GPBP1L1: variants seen among roughly 807,000 people sequenced by gnomAD.
The protein encoded by GPBP1L1 is vasculin-like protein 1.
Under a neutral mutation model 52.5 loss-of-function variants are expected in GPBP1L1, and 23 were observed. The ratio of observed to expected loss-of-function variants is 0.44; its 90% confidence interval spans 0.32 to 0.62. The LOEUF is 0.62. Among genes scored for constraint, GPBP1L1 ranks in the 20% least tolerant of loss-of-function variants. The pLI, the probability that GPBP1L1 is intolerant of heterozygous loss-of-function variation, is 0.06. For synonymous variants in GPBP1L1, 243 were observed against 203.1 expected (o/e 1.20, Z -1.67); for missense variants, 596 against 579.3 (o/e 1.03, Z -0.30).
chr1:45,638,362 C>G (rs1373063088), intron 8 of GPBP1L1, among the ~76,000 whole-genome samples: 1 of 152,192 alleles, frequency 6.6e-6, no homozygotes, highest in African/African-American at 2.4e-5. Flanking sequence ...AATACTGTTT[C>G]AGCCCTACTT....
intron 1 of GPBP1L1, among the ~76,000 whole-genome samples, 161 bp from the exon 2 acceptor site, chr1:45,685,781 G>GTT (rs1396491896): frequency 6.6e-6 from 1 of 152,152 alleles, no homozygotes; most frequent in African/African-American, 2.4e-5. Flanking sequence ...CACGGGTTGG[G>GTT]GAGAACTAGA....
intron 6 of GPBP1L1, chr1:45,654,226 A>G (rs1644855657): frequency 1.0e-5 from 2 of 198,956 alleles, no homozygotes; most frequent in Admixed American, 5.6e-5. Context: ...TCATAGTTGG[A>G]AAAAAGACAA....
intron 2 of GPBP1L1, among the ~76,000 whole-genome samples, chr1:45,671,126 T>C (rs1464011855): frequency 6.6e-6 from 1 of 151,442 alleles, no homozygotes; most frequent in East Asian, 1.9e-4. Flanking sequence ...ACCTTTACAA[T>C]AATATTCTGA....
chr1:45,676,962 G>A (rs1645154064), intron 2 of GPBP1L1, among the ~76,000 whole-genome samples: 1 of 151,820 alleles, frequency 6.6e-6, no homozygotes, highest in South Asian at 2.1e-4. Flanking sequence ...GGCCGAAGAG[G>A]GAGGATCACT....
intron 2 of GPBP1L1, among the ~76,000 whole-genome samples, chr1:45,665,232 C>T (rs528904157): frequency 3.6e-4 from 54 of 151,782 alleles, no homozygotes; most frequent in South Asian, 2.3e-3. Flanking sequence ...TGAAGTGAGC[C>T]GAGATCACGC....
intron 4 of GPBP1L1, chr1:45,658,815 G>C (rs1644913213): frequency 1.9e-6 from 1 of 529,874 alleles, no homozygotes; most frequent in South Asian, 2.7e-5. Context: ...GTGGTACACA[G>C]CCTGTAGGCC....
intron 6 of GPBP1L1, chr1:45,645,815 C>T (rs1258137506): frequency 4.4e-6 from 2 of 450,896 alleles, no homozygotes; most frequent in African/African-American, 4.2e-5. Flanking sequence ...GTATTGCATC[C>T]CTAGAAACAA....
chr1:45,680,115 A>C (rs956587986), intron 2 of GPBP1L1, among the ~76,000 whole-genome samples: 3 of 152,072 alleles, frequency 2.0e-5, no homozygotes, highest in Non-Finnish European at 1.5e-5. Flanking sequence ...TTTCAGCAGC[A>C]CCAAAAGGCT....
At chr1:45,657,127 C>T (rs149961671) in intron 4 of GPBP1L1, among the ~76,000 whole-genome samples, 5 of 152,298 alleles carry the variant, frequency 3.3e-5, no homozygotes, top group African/African-American at 1.2e-4. Context: ...GGTGCTAAAA[C>T]AATTATTCTT....
At chr1:45,640,499 G>C in intron 7 of GPBP1L1, 96 bp from the exon 8 acceptor site, 1 of 911,288 alleles carries the variant, frequency 1.1e-6, no homozygotes, top group South Asian at 1.5e-5. Flanking sequence ...CAAAACAGCT[G>C]ACAGTTGAGA....
In GPBP1L1 at chr1:45,629,454, T is replaced by TTTCCC. The variant is rs758811981; in HGVS notation, c.1272+121_1272+122insGGGAA. ...CCCCACTACATTTCTACTAAGGTAATCCCCCCCCCCCCCACCCGATCTTTC... is the reference window on the plus strand; with the variant it reads ...CCCCACTACATTTCTACTAAGGTAATTTCCCCCCCCCCCCCCCCACCCGATCTTTC... On this transcript the variant is annotated intron_variant, in intron 12 of 12. Coordinates refer to ENST00000355105, the MANE Select transcript of GPBP1L1 (RefSeq NM_021639.5). 120 of 117,610 alleles carry TTTCCC rather than the reference T, an allele frequency of 1.0e-3. 1 individual carries two copies. Among genetic ancestry groups the TTTCCC allele is most frequent in the Middle Eastern group, 9.9e-3 (3 of 302 alleles). The allele number at this position is 117,610 out of a possible 1,614,324, so 7.3% of individuals were successfully genotyped here.
chr1:45,672,853 A>C (rs1260873871), intron 2 of GPBP1L1, among the ~76,000 whole-genome samples: 2 of 152,248 alleles, frequency 1.3e-5, no homozygotes, highest in East Asian at 1.9e-4. Flanking sequence ...AGAACTCATC[A>C]CTGGATTCAC....
chr1:45,674,647 C>A (rs1040822275), intron 2 of GPBP1L1, among the ~76,000 whole-genome samples: 1 of 152,228 alleles, frequency 6.6e-6, no homozygotes, highest in Non-Finnish European at 1.5e-5. Flanking sequence ...TCGTGTGATG[C>A]TGGGCAGTGC....
At chr1:45,673,691 C>G (rs1000900569) in intron 2 of GPBP1L1, among the ~76,000 whole-genome samples, 1 of 152,166 alleles carries the variant, frequency 6.6e-6, no homozygotes, top group African/African-American at 2.4e-5. Context: ...GAAACCCCAT[C>G]TCTACTAAAA....
At chr1:45,630,775 C>T (rs1006513357) in intron 10 of GPBP1L1, 169 bp from the exon 11 acceptor site, 1 of 581,742 alleles carries the variant, frequency 1.7e-6, no homozygotes, top group African/African-American at 1.9e-5. Context: ...ATCAACAAAA[C>T]TGATTCTAAA....
chr1:45,657,116 C>T (rs1206860678), intron 4 of GPBP1L1, among the ~76,000 whole-genome samples: 3 of 152,148 alleles, frequency 2.0e-5, no homozygotes, highest in East Asian at 1.9e-4. Context: ...CTTAAGTTCA[C>T]GGTGCTAAAA....
Position 45,677,097 on chromosome 1 carries a change from A to G in GPBP1L1, c.-1098+8479T>C, listed in dbSNP as rs541370735. ...ACGCCTGTAATCCCAGCACTTTGGG[A>G]GGCTGAGGCAGGTGGATCACTTCAG... On this transcript the variant is annotated intron_variant, in intron 2 of 12. Transcript: ENST00000355105. Among the ~76,000 whole-genome samples the G allele has an allele frequency of 2.0e-5, 3 of 152,118 alleles. No individual in the cohort carries two copies. The East Asian group carries it at 5.8e-4, about 29-fold the overall frequency.
In GPBP1L1 at chr1:45,637,097, C is replaced by T. The variant is rs77333173; in HGVS notation, c.745-2861G>A. 3.0e-3 allele frequency among the ~76,000 whole-genome samples: 462 copies of T among 152,312 alleles called. 4 individuals are homozygous for T. Among genetic ancestry groups the T allele is most frequent in the East Asian group, 0.023 (117 of 5,190 alleles). On this transcript the variant is annotated intron_variant, in intron 8 of 12. Coordinates refer to ENST00000355105, the MANE Select transcript of GPBP1L1 (RefSeq NM_021639.5). The stretch of plus-strand genomic sequence containing the variant: ...TTTGAATCCCAGTTATCCGTAAAGA[C>T]TTTGATGACCCTCCCCAGGCAGAGA...
rs539013873 is a variant in GPBP1L1 at position 45,659,116 on chromosome 1, T to C, written c.-29A>G. 4.3e-6 allele frequency: 7 copies of C among 1,613,156 alleles called. No individual in the cohort carries two copies. Among genetic ancestry groups the C allele is most frequent in the Middle Eastern group, 1.7e-4 (1 of 6,058 alleles). On this transcript the variant is annotated 5_prime_UTR_variant, in exon 4 of 13. Coordinates refer to ENST00000355105, the MANE Select transcript of GPBP1L1 (RefSeq NM_021639.5). ...GGTCCAGTGTCTCCTTTCAGTAAGG[T>C]GAGGCATCCAACCTCATGGCCAGGA... is the stretch of plus-strand genomic sequence containing the variant.
Sources: allele counts gnomAD v4.1 joint callset (sites outside exome capture counted in the v4.1 genomes callset), GRCh38; gene constraint gnomAD v4.1.1; transcripts MANE v1.5; gene names NCBI Gene and HGNC (gene_info 2026-07-23, HGNC 2026-07-21).